HGF: variants seen among roughly 807,000 people sequenced by gnomAD.
HGF encodes the protein fibroblast-derived tumor cytotoxic factor.
In HGF, 39 loss-of-function variants were observed where a neutral mutation model predicts 111.6. The ratio of observed to expected loss-of-function variants is 0.35; its 90% CI spans 0.27 to 0.46. The LOEUF is 0.46. Among genes scored for constraint, HGF ranks in the 20% least tolerant of loss-of-function variants. The pLI, the probability that HGF is intolerant of heterozygous loss-of-function variation, is 1.00. For synonymous variants in HGF, 285 were observed against 294.8 expected, an observed-to-expected ratio of 0.97 and a Z score of 0.34; for missense variants, 735 against 910.5, an observed-to-expected ratio of 0.81 and a Z score of 2.48.
Position 81,762,616 on chromosome 7 carries a change from T to C in HGF, c.254+91A>G. 6.1e-6 allele frequency: 6 copies of C among 988,582 alleles called. No homozygotes were observed. In the South Asian group the frequency reaches 7.8e-5, roughly 13 times the overall value. 61.2% of individuals were successfully genotyped at this position (988,582 alleles called of 1,614,324 possible). A position where few individuals can be genotyped will look rare whatever the true frequency, so the allele number is the denominator to read the frequency against. On this transcript the variant is annotated intron_variant, in intron 2 of 17. Coordinates refer to ENST00000222390, the MANE Select transcript of HGF (RefSeq NM_000601.6). ...TCAAACTTACAATTTTATGATCAAA[T>C]CACATTGACTACAACACAAAAGACA...
At chr7:81,742,687 A>G in intron 7 of HGF, 1 of 1,361,084 alleles carries the variant, frequency 7.3e-7, no homozygotes, top group Middle Eastern at 2.8e-4. Context: ...GGAACAATAT[A>G]AAACACGTTA....
rs1046054471 is a variant in HGF at position 81,750,235 on chromosome 7, A to G, written c.625+1885T>C. Among the ~76,000 whole-genome samples the G allele has an allele frequency of 4.6e-5, 7 of 152,252 alleles. No individual in the cohort carries two copies. The South Asian group carries it at 1.4e-3, about 32-fold the overall frequency. ...TCTTTTTCATTAAAATCCTGCTAACACATTGCTTGTGTTAGCTGGAATTTA... is the reference window on the plus strand; with the variant it reads ...TCTTTTTCATTAAAATCCTGCTAACGCATTGCTTGTGTTAGCTGGAATTTA... On this transcript the variant is annotated intron_variant, in intron 5 of 17. Coordinates refer to ENST00000222390, the MANE Select transcript of HGF (RefSeq NM_000601.6).
intron 7 of HGF, among the ~76,000 whole-genome samples, chr7:81,730,907 T>A (rs757707553): frequency 9.2e-5 from 14 of 152,220 alleles, no homozygotes; most frequent in Non-Finnish European, 1.5e-4. Context: ...TTCATTGATT[T>A]ATCCATTTTG....
intron 1 of HGF, among the ~76,000 whole-genome samples, chr7:81,764,173 C>T (rs749796313): frequency 6.6e-6 from 1 of 151,998 alleles, no homozygotes; most frequent in Non-Finnish European, 1.5e-5. Context: ...GAGTGAGGTA[C>T]CAAAAATGCC....
chr7:81,717,272 T>G lies in HGF; in HGVS notation c.1365A>C (p.Gly455=). The G allele has an allele frequency of 6.2e-7, 1 of 1,613,816 alleles. No individual in the cohort carries two copies. The highest frequency in any genetic ancestry group is 1.1e-5 in the South Asian group (1 of 91,082). ...AATAATCCCAAGGAATGAGTGGATTTCCCGTGTAGCACCAGGGTCCATGAG... is the reference window on the plus strand; with the variant it reads ...AATAATCCCAAGGAATGAGTGGATTGCCCGTGTAGCACCAGGGTCCATGAG... ...DDAHGPWCYT[G]NPLIPWDYCP... Residue 455 remains glycine (G), a synonymous_variant, in exon 11 of 18, where the codon GGA becomes GGC. Transcript: ENST00000222390.
At chr7:81,729,364 G>A (rs1787556977) in intron 8 of HGF, among the ~76,000 whole-genome samples, 1 of 152,142 alleles carries the variant, frequency 6.6e-6, no homozygotes, top group African/African-American at 2.4e-5. Flanking sequence ...CCAAAGCATA[G>A]TGAATCTACC....
intron 7 of HGF, among the ~76,000 whole-genome samples, chr7:81,741,348 A>G (rs573092417): frequency 6.6e-6 from 1 of 152,350 alleles, no homozygotes; most frequent in East Asian, 1.9e-4. Context: ...TTGGAATTAT[A>G]TAGCATGTTA....
intron 14 of HGF, 60 bp from the exon 15 acceptor site, chr7:81,706,487 A>G (rs1377071959): frequency 7.5e-7 from 1 of 1,328,366 alleles, no homozygotes; most frequent in African/African-American, 1.5e-5. Flanking sequence ...CTGTAGTATT[A>G]TTCCTATCTA....
chr7:81,725,298 G>C (rs2115899523), intron 9 of HGF, among the ~76,000 whole-genome samples: 1 of 152,178 alleles, frequency 6.6e-6, no homozygotes, highest in Middle Eastern at 3.4e-3. Context: ...TTTTGTACTA[G>C]CTATAGTGAT....
chr7:81,764,633 C>A (rs1310331636), intron 1 of HGF, among the ~76,000 whole-genome samples: 1 of 151,994 alleles, frequency 6.6e-6, no homozygotes, highest in Non-Finnish European at 1.5e-5. Flanking sequence ...TAAACTGTAA[C>A]CATTAAGTAA....
At chr7:81,755,695 A>C in intron 4 of HGF, 1 of 273,594 alleles carries the variant, frequency 3.7e-6, no homozygotes, top group Non-Finnish European at 6.8e-6. Context: ...TGTTTTCTTC[A>C]CTATGCAGGG....
At chr7:81,719,258 G>A (rs1789792201) in intron 10 of HGF, among the ~76,000 whole-genome samples, 1 of 152,082 alleles carries the variant, frequency 6.6e-6, no homozygotes, top group Non-Finnish European at 1.5e-5. Flanking sequence ...AAGCCTTCCT[G>A]ACCACTTACG....
intron 5 of HGF, among the ~76,000 whole-genome samples, chr7:81,747,545 A>C (rs1037711545): frequency 6.6e-6 from 1 of 152,210 alleles, no homozygotes; most frequent in Non-Finnish European, 1.5e-5. Flanking sequence ...TAAATAAATA[A>C]AAGTTAGCAA....
Position 81,721,056 on chromosome 7 carries a change from T to C in HGF, c.1169-209A>G, listed in dbSNP as rs554135988. Among the ~76,000 whole-genome samples the C allele has an allele frequency of 7.8e-4, 119 of 152,238 alleles. 1 individual carries two copies. Among genetic ancestry groups the C allele is most frequent in the African/African-American group, 2.6e-3 (107 of 41,562 alleles). Reference sequence around the variant, plus strand: ...GTCAGGAGATCGAGACCATCCTGGCTAACACGGTGAAACCCTGTCTCTACT... The same window carrying C: ...GTCAGGAGATCGAGACCATCCTGGCCAACACGGTGAAACCCTGTCTCTACT... On this transcript the variant is annotated intron_variant, in intron 9 of 17. Transcript: ENST00000222390.
At chr7:81,747,641 A>G (rs894769971) in intron 5 of HGF, among the ~76,000 whole-genome samples, 1 of 152,230 alleles carries the variant, frequency 6.6e-6, no homozygotes, top group Non-Finnish European at 1.5e-5. Context: ...ATACTTAAAT[A>G]TATTACAGTT....
intron 1 of HGF, among the ~76,000 whole-genome samples, chr7:81,768,386 C>T (rs11976932): frequency 0.088 from 13,207 of 150,178 alleles, 1,600 homozygotes; most frequent in African/African-American, 0.28. Context: ...GCATTTTTTT[C>T]TTCTTCTTCT....
At position 81,765,644 on chromosome 7, in the gene HGF, A is replaced by G. The variant is rs139674019; in HGVS notation, c.89-2772T>C. On this transcript the variant is annotated intron_variant, in intron 1 of 17. Coordinates refer to ENST00000222390, the MANE Select transcript of HGF (RefSeq NM_000601.6). ...ACTCAAAAATATGAAGTTGGAGCTA[A>G]TTGTACATCATGTAATCCACACATC... Among the ~76,000 whole-genome samples the G allele has an allele frequency of 1.2e-4, 18 of 152,282 alleles. No homozygotes were observed. The South Asian group carries it at 1.9e-3, about 16-fold the overall frequency.
intron 13 of HGF, among the ~76,000 whole-genome samples, chr7:81,707,855 T>C (rs1789468898): frequency 1.3e-5 from 2 of 152,148 alleles, no homozygotes; most frequent in Admixed American, 1.3e-4. Context: ...TACCATTATG[T>C]AGTTTTGATA....
chr7:81,770,010 A>T lies in HGF; in HGVS notation c.-39T>A, dbSNP rs1789556080. On this transcript the variant is annotated 5_prime_UTR_variant, in exon 1 of 18. Transcript: ENST00000222390. ...GGGCTGGCGGATCCCTCTGGAGGAGATGCCTGGGTGAAAGAATCCTGTTCG... is the reference window on the plus strand; with the variant it reads ...GGGCTGGCGGATCCCTCTGGAGGAGTTGCCTGGGTGAAAGAATCCTGTTCG... 1.4e-6 allele frequency: 2 copies of T among 1,451,892 alleles called. No individual in the cohort carries two copies. The highest frequency in any genetic ancestry group is 1.9e-6 in the Non-Finnish European group (2 of 1,059,038). The allele number at this position is 1,451,892 out of a possible 1,614,324, so 89.9% of individuals were successfully genotyped here.
Sources: allele counts gnomAD v4.1 joint callset (sites outside exome capture counted in the v4.1 genomes callset), GRCh38; gene constraint gnomAD v4.1.1; transcripts MANE v1.5; gene names NCBI Gene and HGNC (gene_info 2026-07-23, HGNC 2026-07-21).